DDX3X: variants seen among roughly 807,000 people sequenced by gnomAD.
DDX3X encodes DEAD-box helicase 3 X-linked, also known as ATP-dependent RNA helicase DDX3X.
Under a neutral mutation model 52.7 loss-of-function variants are expected in DDX3X, and 4 were observed. That is an observed-to-expected ratio of 0.08 (90% CI 0.04 to 0.17). The LOEUF is 0.17. Ranked by LOEUF, DDX3X falls within the 10% of genes least tolerant of loss-of-function variation. The pLI is 1.00. For missense variants in DDX3X, 222 were observed against 548.6 expected (o/e 0.40, Z 5.95); for synonymous variants, 192 against 178.1 (o/e 1.08, Z -0.62).
intron 5 of DDX3X, among the ~76,000 whole-genome samples, chrX:41,361,947 GTCAC>G (rs2064031152): frequency 9.0e-6 from 1 of 110,741 alleles, no homozygotes; most frequent in African/African-American, 3.3e-5. Flanking sequence ...CTTTCACCTA[GTCAC>G]TCAGGTCAAA....
chrX:41,334,701 C>T (rs1049636949), intron 1 of DDX3X: 4 of 1,002,541 alleles, frequency 4.0e-6, no homozygotes, highest in East Asian at 6.2e-5. Context: ...GCCTTCACGG[C>T]TGGCGCAGCC....
downstream of DDX3X, among the ~76,000 whole-genome samples, chrX:41,353,838 C>T (rs529266766): frequency 2.8e-5 from 3 of 108,991 alleles, no homozygotes; most frequent in South Asian, 3.9e-4. Flanking sequence ...AATAAAGCTG[C>T]CATTGACAAT....
Position 41,337,439 on chromosome X carries a change from A to T in DDX3X, c.77A>T (p.Asn26Ile). 3.3e-6 allele frequency: 4 copies of T among 1,209,451 alleles called. No individual in the cohort carries two copies. The highest frequency in any genetic ancestry group is 4.5e-6 in the Non-Finnish European group (4 of 893,908). Residue 26 changes from asparagine to isoleucine, a missense_variant, in exon 2 of 17, where the codon AAT (asparagine) becomes ATT (isoleucine). Physicochemically the swap from Asn to Ile is moderately radical, Grantham distance 149 (BLOSUM62 -3). Transcript: ENST00000644876. ...FAGLDLNSSD[N>I]QSGGSTASKG... ...GGCCTAGACCTGAACTCTTCAGATA[A>T]TCAGAGTGGAGGAAGTACAGCCAGC...
chrX:41,339,355 G>GT (rs749363683), intron 3 of DDX3X: 6 of 151,413 alleles, frequency 4.0e-5, no homozygotes, highest in Non-Finnish European at 7.6e-5. Flanking sequence ...GAATCTGTTT[G>GT]TAATCATTCA....
intron 2 of DDX3X, 149 bp downstream of exon 2, chrX:41,337,614 C>T (rs189479583): frequency 2.5e-6 from 1 of 406,367 alleles, no homozygotes; most frequent in Non-Finnish European, 4.1e-6. Flanking sequence ...TTATGTAGTA[C>T]TTAGTGATCA....
Position 41,346,346 on chromosome X carries a change from G to A in DDX3X, c.1433G>A (p.Arg478Lys), listed in dbSNP as rs939577582. ...CTSIHGDRSQRDREEALHQFR... is the reference protein window; with the variant it reads ...CTSIHGDRSQKDREEALHQFR... ...AGCATCCATGGAGACCGTTCTCAGA[G>A]GGATAGAGAAGAGGCCCTTCACCAG... The change falls in exon 13 of 17, where the codon AGG becomes AAG. Residue 478 changes from arginine to lysine, a missense_variant. Around this residue, in one of 5 missense-constraint regions of DDX3X, gnomAD observed 73 missense variants for 301.4 expected, o/e 0.24. Coordinates refer to ENST00000644876, the MANE Select transcript of DDX3X (RefSeq NM_001356.5). 6 of 1,209,862 alleles carry A rather than the reference G, an allele frequency of 5.0e-6. No homozygotes were observed. The highest frequency in any genetic ancestry group is 2.2e-5 in the Admixed American group (1 of 45,679).
chrX:41,345,967 C>T (rs1412822747), intron 12 of DDX3X: 16 of 347,165 alleles, frequency 4.6e-5, no homozygotes, highest in Non-Finnish European at 6.9e-5. Flanking sequence ...ACTTGGCAGG[C>T]TGAGGCTGTA....
intron 5 of DDX3X, among the ~76,000 whole-genome samples, chrX:41,364,113 G>C (rs2064039555): frequency 8.9e-6 from 1 of 112,075 alleles, no homozygotes; most frequent in African/African-American, 3.2e-5. Flanking sequence ...AGAATAGTTG[G>C]CTCCTCAGCC....
chrX:41,342,454 G>A, intron 4 of DDX3X, 41 bp from the exon 5 acceptor site: 1 of 1,197,267 alleles, frequency 8.4e-7, no homozygotes, highest in Non-Finnish European at 1.1e-6. Context: ...TCTGATAATG[G>A]TTAAATGATA....
At chrX:41,352,895 A>G (rs2063994441), downstream of DDX3X, among the ~76,000 whole-genome samples, 1 of 111,881 alleles carries the variant, frequency 8.9e-6, no homozygotes, top group African/African-American at 3.3e-5. Context: ...TAGCATTGCC[A>G]TGATCATGCT....
chrX:41,352,327 TCTTC>T (rs1390891265), downstream of DDX3X, among the ~76,000 whole-genome samples: 1 of 112,030 alleles, frequency 8.9e-6, no homozygotes, highest in Non-Finnish European at 1.9e-5. Context: ...ATATTTACTG[TCTTC>T]CTTGTTACAT....
Position 41,341,535 on chromosome X carries a change from C to T in DDX3X, c.203C>T (p.Ala68Val), listed in dbSNP as rs1250603833. The T allele has an allele frequency of 1.7e-6, 2 of 1,203,478 alleles. No individual in the cohort carries two copies. The highest frequency in any genetic ancestry group is 2.3e-6 in the Non-Finnish European group (2 of 888,561). Reference protein sequence around the residue: ...SGWSSSKDKDAYSSFGSRSDS... With the variant: ...SGWSSSKDKDVYSSFGSRSDS... ...TGGAGTTCTAGCAAAGATAAGGATG[C>T]GTATAGCAGTTTTGGATCTCGTAGT... Residue 68 changes from alanine to valine, a missense_variant, in exon 4 of 17, where the codon GCG becomes GTG. Ala to Val is a moderately conservative substitution (Grantham distance 64). Transcript: ENST00000644876.
At position 41,349,533 on chromosome X, in the gene DDX3X, A is replaced by G. The variant is rs1411247556; in HGVS notation, c.*1814A>G. The stretch of plus-strand genomic sequence containing the variant: ...TAATATTTATTGAACATTTTGACAA[A>G]TATTTATTTTTGTAAGCCTAAAAGT... On this transcript the variant is annotated 3_prime_UTR_variant, in exon 17 of 17. Transcript: ENST00000644876. 1 of 112,259 alleles carries G rather than the reference A, an allele frequency of 8.9e-6. No homozygotes were observed. Among genetic ancestry groups the G allele is most frequent in the East Asian group, 2.8e-4 (1 of 3,611 alleles). 9.3% of individuals were successfully genotyped at this position (112,259 alleles called of 1,213,427 possible).
intron 5 of DDX3X, among the ~76,000 whole-genome samples, chrX:41,356,885 A>G (rs980137875): frequency 2.9e-5 from 3 of 104,469 alleles, no homozygotes; most frequent in African/African-American, 7.0e-5. Flanking sequence ...TCATTAATCT[A>G]TATGCCTATC....
At position 41,342,906 on chromosome X, in the gene DDX3X, G is replaced by A. The variant is rs10521420; in HGVS notation, c.543+70G>A. 0.084 allele frequency: 76,489 copies of A among 914,918 alleles called. 3,233 individuals are homozygous for A. Among genetic ancestry groups the A allele is most frequent in the East Asian group, 0.35 (11,286 of 31,833 alleles). The allele number at this position is 914,918 out of a possible 1,213,427, so 75.4% of individuals were successfully genotyped here. A position where few individuals can be genotyped will look rare whatever the true frequency, so the allele number is the denominator to read the frequency against. ...GTTTTCATGTTACATTAGAATGTGAGATGGGCTTCATAAAGTCATGTAGAC... is the reference window on the plus strand; with the variant it reads ...GTTTTCATGTTACATTAGAATGTGAAATGGGCTTCATAAAGTCATGTAGAC... On this transcript the variant is annotated intron_variant, in intron 6 of 16. Coordinates refer to ENST00000644876, the MANE Select transcript of DDX3X (RefSeq NM_001356.5).
At chrX:41,346,135 T>C in intron 12 of DDX3X, 94 bp from the exon 13 acceptor site, 1 of 747,193 alleles carries the variant, frequency 1.3e-6, no homozygotes, top group Non-Finnish European at 2.0e-6. Context: ...AAGATATATA[T>C]GTATTTTAAT....
In DDX3X at chrX:41,342,478, T is replaced by G; in HGVS notation, c.285-17T>G. On this transcript the variant is annotated splice_polypyrimidine_tract_variant and intron_variant, in intron 4 of 16. Coordinates refer to ENST00000644876, the MANE Select transcript of DDX3X (RefSeq NM_001356.5). ...GGTTAAATGATATGATTCTGATTAA[T>G]TGCTTGTGCTGTTCAGGTTTGATGA... is the stretch of plus-strand genomic sequence containing the variant. The G allele has an allele frequency of 8.3e-7, 1 of 1,208,985 alleles. No homozygotes were observed. The highest frequency in any genetic ancestry group is 1.1e-6 in the Non-Finnish European group (1 of 893,109).
intron 1 of DDX3X, 148 bp from the exon 2 acceptor site, chrX:41,337,260 C>T (rs1237704835): frequency 1.4e-5 from 7 of 491,552 alleles, no homozygotes; most frequent in Non-Finnish European, 2.1e-5. Context: ...TTCTTAGTCA[C>T]ATTCTCATTA....
chrX:41,341,143 G>A (rs1039606395), intron 3 of DDX3X: 2 of 157,223 alleles, frequency 1.3e-5, no homozygotes, highest in Non-Finnish European at 2.4e-5. Context: ...GGGCCACCAC[G>A]CCTGGCTAAT....
Sources: gnomAD v4.1 joint callset for allele counts (sites outside exome capture counted in the v4.1 genomes callset) on GRCh38, gnomAD v4.1.1 for gene constraint, gnomAD v4.1.1 regional missense constraint, MANE v1.5 for transcripts, NCBI Gene and HGNC (gene_info 2026-07-23, HGNC 2026-07-21) for gene names.